MYO15A: variants seen among roughly 807,000 people sequenced by gnomAD.
MYO15A encodes the protein myosin XVA.
Under a neutral mutation model 394.6 loss-of-function variants are expected in MYO15A, and 308 were observed. That is an observed-to-expected ratio of 0.78 (90% confidence interval 0.71 to 0.86). The LOEUF (loss-of-function observed/expected upper bound fraction) is 0.86, where lower values mean the gene tolerates loss of function less well. MYO15A is among the 40% of genes least tolerant of loss of function. The pLI is 0.00. For missense variants in MYO15A, 4,606 were observed against 4,799.1 expected (o/e 0.96, Z 1.19); for synonymous variants, 1,957 against 2,003.8 (o/e 0.98, Z 0.62).
chr17:18,148,459 A>T lies in MYO15A; in HGVS notation c.6692-37A>T, dbSNP rs1473916059. 6.4e-7 allele frequency: 1 copy of T among 1,550,642 alleles called. No individual in the cohort carries two copies. The highest frequency in any genetic ancestry group is 2.0e-5 in the Admixed American group (1 of 51,018). On this transcript the variant is annotated intron_variant, in intron 31 of 65. Transcript: ENST00000647165. The surrounding 1 kb of genome is among the most constrained non-coding windows in gnomAD (Gnocchi z 4.8). ...GGAGGCACAGCCAAACTGGACTCAG[A>T]TGCTCCAACCTGAGCCCGGCACCTG...
At position 18,120,172 on chromosome 17, in the gene MYO15A, T is replaced by G; in HGVS notation, c.1372T>G (p.Phe458Val). 2.5e-6 allele frequency: 4 copies of G among 1,612,910 alleles called. No homozygotes were observed. Among genetic ancestry groups the G allele is most frequent in the East Asian group, 2.2e-5 (1 of 44,876 alleles). ...TSFRLPSAAF[F>V]EQQGMDKPAR... is the part of the protein sequence containing the mutation. ...CTTCCGCCTGCCCAGCGCCGCCTTC[T>G]TCGAGCAGCAAGGCATGGATAAGCC... The change falls in exon 2 of 66, where the codon TTC becomes GTC. Residue 458 changes from phenylalanine to valine, a missense_variant. By Grantham distance (50) the Phe-to-Val change is conservative. Coordinates refer to ENST00000647165, the MANE Select transcript of MYO15A (RefSeq NM_016239.4).
In MYO15A at chr17:18,144,080, C is replaced by A. The variant is rs2046434015; in HGVS notation, c.6177+80C>A. On this transcript the variant is annotated intron_variant, in intron 28 of 65. Transcript: ENST00000647165. ...AATGGACATTGTCCTTGCCCTGGGG[C>A]AGGCTCCTGGCTGTGCCCTGTGGTG... 1.0e-5 allele frequency: 16 copies of A among 1,596,614 alleles called. No individual in the cohort carries two copies. The South Asian group carries it at 1.8e-4, about 18-fold the overall frequency.
chr17:18,121,921 C>T lies in MYO15A; in HGVS notation c.3121C>T (p.Pro1041Ser). Residue 1041 changes from proline to serine, a missense_variant, in exon 2 of 66, where the codon CCC (proline) becomes TCC (serine). Coordinates refer to ENST00000647165, the MANE Select transcript of MYO15A (RefSeq NM_016239.4). This position sits in a 1 kb window ranked among gnomAD's most constrained non-coding sequence, Gnocchi z 5.3. ...AGCACCTCCCAAGGATGTCACTCCCCCCAAGGATATCACTCCCCCCAAGGA... is the reference window on the plus strand; with the variant it reads ...AGCACCTCCCAAGGATGTCACTCCCTCCAAGGATATCACTCCCCCCAAGGA... Reference protein sequence around the residue: ...TPAPPKDVTPPKDITPPKDVL... With the variant: ...TPAPPKDVTPSKDITPPKDVL... The T allele has an allele frequency of 6.2e-7, 1 of 1,613,258 alleles. No individual in the cohort carries two copies. The highest frequency in any genetic ancestry group is 8.5e-7 in the Non-Finnish European group (1 of 1,179,930).
At position 18,130,775 on chromosome 17, in the gene MYO15A, CT is replaced by C. The variant is rs747437656; in HGVS notation, c.4033-27del. ...GACTCCATTCTGTTCTTGTCTGTCT[CT>C]TTGTCCTCCCTCCTGGACGCTCTTG... On this transcript the variant is annotated intron_variant, in intron 7 of 65. Transcript: ENST00000647165. 19 of 1,612,458 alleles carry C rather than the reference CT, an allele frequency of 1.2e-5. 1 individual carries two copies. In the South Asian group the frequency reaches 2.1e-4, roughly 18 times the overall value.
intron 1 of MYO15A, among the ~76,000 whole-genome samples, chr17:18,115,165 C>G (rs1007987109): frequency 3.9e-5 from 6 of 152,200 alleles, no homozygotes; most frequent in African/African-American, 1.4e-4. Flanking sequence ...TCCTGTCAGT[C>G]CTACCTGCCA....
At chr17:18,143,404 C>A (rs1238724371) in intron 25 of MYO15A, among the ~76,000 whole-genome samples, 162 bp from the exon 26 acceptor site, 1 of 152,182 alleles carries the variant, frequency 6.6e-6, no homozygotes, top group Non-Finnish European at 1.5e-5. Flanking sequence ...CCAACCTCAG[C>A]CTCCCGCCCC....
chr17:18,167,845 G>A, intron 62 of MYO15A, 122 bp downstream of exon 62: 1 of 1,457,296 alleles, frequency 6.9e-7, no homozygotes, highest in African/African-American at 1.4e-5. Flanking sequence ...ATACCAGTGG[G>A]GCTATCTGGG....
intron 65 of MYO15A, chr17:18,178,382 A>G: frequency 3.1e-6 from 1 of 326,130 alleles, no homozygotes; most frequent in Non-Finnish European, 6.0e-6. Context: ...AAAAAAAAAA[A>G]AGAATTTACA....
intron 17 of MYO15A, among the ~76,000 whole-genome samples, 171 bp downstream of exon 17, chr17:18,138,417 C>T (rs557198988): frequency 5.3e-5 from 8 of 152,274 alleles, no homozygotes; most frequent in African/African-American, 9.6e-5. Flanking sequence ...CCAGATGGGC[C>T]GCTGTGGGTG....
chr17:18,148,743 T>C lies in MYO15A; in HGVS notation c.6765-18T>C. The stretch of plus-strand genomic sequence containing the variant: ...TGACTCTGTCCCTCATTTCCATTCC[T>C]GTGCATGCCATCACCAGGGGGCTGG... On this transcript the variant is annotated intron_variant, in intron 32 of 65. Transcript: ENST00000647165. The surrounding 1 kb of genome is among the most constrained non-coding windows in gnomAD (Gnocchi z 4.8). 1 of 1,584,230 alleles carries C rather than the reference T, an allele frequency of 6.3e-7. No homozygotes were observed. The highest frequency in any genetic ancestry group is 8.6e-7 in the Non-Finnish European group (1 of 1,164,126).
chr17:18,160,146 C>T, intron 56 of MYO15A, 129 bp downstream of exon 56: 1 of 861,570 alleles, frequency 1.2e-6, no homozygotes, highest in Non-Finnish European at 1.9e-6. Flanking sequence ...CATCCTCACT[C>T]AATAGAGCAC....
intron 47 of MYO15A, chr17:18,155,908 G>A (rs2046666787): frequency 2.0e-6 from 1 of 494,768 alleles, no homozygotes; most frequent in East Asian, 3.8e-5. Flanking sequence ...GTCAATGGGT[G>A]AAAGAGAGAT....
In MYO15A at chr17:18,117,574, T is replaced by C. The variant is rs1207346703; in HGVS notation, c.-219-1008T>C. On this transcript the variant is annotated intron_variant, in intron 1 of 65. Transcript: ENST00000647165. The surrounding 1 kb of genome is among the most constrained non-coding windows in gnomAD (Gnocchi z 4.1). The stretch of plus-strand genomic sequence containing the variant: ...TGAGGAGGAAGAGGAGGAGGAGAGC[T>C]GGTTCTGAGGCTTCAGGTCTCAGAG... Among the ~76,000 whole-genome samples the C allele has an allele frequency of 2.0e-5, 3 of 152,198 alleles. No individual in the cohort carries two copies. Among genetic ancestry groups the C allele is most frequent in the African/African-American group, 7.2e-5 (3 of 41,446 alleles).
chr17:18,131,181 C>A, intron 8 of MYO15A, 58 bp from the exon 9 acceptor site: 1 of 1,509,558 alleles, frequency 6.6e-7, no homozygotes. Flanking sequence ...TGCCCCCCAC[C>A]CAGGCCCCCA....
In MYO15A at chr17:18,126,457, G is replaced by T. The variant is rs374742590; in HGVS notation, c.3866+1G>T. The stretch of plus-strand genomic sequence containing the variant: ...GACGGGCCCTGGGAGAGAATCCCCC[G>T]TGAGTGTCTCGGGGGCGCTGCCCTG... On this transcript the variant is annotated splice_donor_variant, in intron 5 of 65. Transcript: ENST00000647165. LOFTEE classifies it high-confidence loss of function. The T allele has an allele frequency of 3.1e-6, 5 of 1,613,614 alleles. No homozygotes were observed. Among genetic ancestry groups the T allele is most frequent in the Non-Finnish European group, 4.2e-6 (5 of 1,179,812 alleles).
At chr17:18,140,862 C>A in intron 21 of MYO15A, 30 bp downstream of exon 21, 1 of 1,613,894 alleles carries the variant, frequency 6.2e-7, no homozygotes, top group Non-Finnish European at 8.5e-7. Context: ...TCTGAGAGAG[C>A]CAAATCCTCC....
rs1312263545 is a variant in MYO15A at position 18,156,219 on chromosome 17, C to T, written c.8484C>T (p.Thr2828=). 1.9e-6 allele frequency: 3 copies of T among 1,614,046 alleles called. No individual in the cohort carries two copies. Among genetic ancestry groups the T allele is most frequent in the Non-Finnish European group, 1.7e-6 (2 of 1,180,026 alleles). ...GCTTTGCAGATATCCTGTTTGTGACCATGCCCTCCCAGAACATGCTGGAGT... is the reference window on the plus strand; with the variant it reads ...GCTTTGCAGATATCCTGTTTGTGACTATGCCCTCCCAGAACATGCTGGAGT... ...AYSFADILFV[T]MPSQNMLEFN... The change falls in exon 48 of 66, where the codon ACC becomes ACT. Residue 2828 remains threonine, a synonymous_variant. Coordinates refer to ENST00000647165, the MANE Select transcript of MYO15A (RefSeq NM_016239.4).
chr17:18,120,777 G>A lies in MYO15A; in HGVS notation c.1977G>A (p.Ala659=). The A allele has an allele frequency of 1.1e-5, 15 of 1,421,272 alleles. No homozygotes were observed. The highest frequency in any genetic ancestry group is 3.0e-5 in the Admixed American group (1 of 33,590). 88.0% of individuals were successfully genotyped at this position (1,421,272 alleles called of 1,614,324 possible). A position where few individuals can be genotyped will look rare whatever the true frequency, so the allele number is the denominator to read the frequency against. The change falls in exon 2 of 66, where the codon GCG becomes GCA. Residue 659 remains alanine, a synonymous_variant. Transcript: ENST00000647165. ...CCAGGACCCTCTCCCACTGGAGCGC[G>A]CTCCTGTCTCCGCCCGTGCCCCCGC... ...PAPRTLSHWS[A]LLSPPVPPRP... is the part of the protein sequence containing the mutation.
At chr17:18,113,619 C>G (rs1222254693) in intron 1 of MYO15A, among the ~76,000 whole-genome samples, 1 of 151,986 alleles carries the variant, frequency 6.6e-6, no homozygotes, top group South Asian at 2.1e-4. Flanking sequence ...ATTAGTCAGG[C>G]ATGGTGGTGC....
Sources: allele counts gnomAD v4.1 joint callset (sites outside exome capture counted in the v4.1 genomes callset), GRCh38; gene constraint gnomAD v4.1.1; non-coding constraint Gnocchi (gnomAD v3.1); transcripts MANE v1.5; gene names NCBI Gene and HGNC (gene_info 2026-07-23, HGNC 2026-07-21).